Variants in ENOX1 observed in about 807,000 individuals in gnomAD.
ENOX1 encodes ecto-NOX disulfide-thiol exchanger 1.
In ENOX1, 42 loss-of-function variants were observed where a neutral mutation model predicts 82.5. The observed-to-expected ratio is 0.51, with a 90% CI of 0.40 to 0.66. The LOEUF is 0.66. Among genes scored for constraint, ENOX1 ranks in the 30% least tolerant of loss-of-function variants. ENOX1 has a pLI of 0.00. For missense variants in ENOX1, 608 were observed against 811.6 expected (o/e 0.75, Z 3.05); for synonymous variants, 271 against 282.2 (o/e 0.96, Z 0.40).
At chr13:43,764,708 T>C (rs1319512124) in intron 1 of ENOX1, among the ~76,000 whole-genome samples, 1 of 152,158 alleles carries the variant, frequency 6.6e-6, no homozygotes, top group African/African-American at 2.4e-5. Flanking sequence ...TTTCAAGCAA[T>C]AATATCAGCT....
At chr13:43,391,046 C>T (rs1418703095) in intron 5 of ENOX1, among the ~76,000 whole-genome samples, 2 of 152,076 alleles carry the variant, frequency 1.3e-5, no homozygotes, top group East Asian at 1.9e-4. Context: ...CAACCTTTAA[C>T]CCACTGACCT....
intron 11 of ENOX1, among the ~76,000 whole-genome samples, chr13:43,306,412 A>T (rs947192339): frequency 6.6e-6 from 1 of 152,178 alleles, no homozygotes; most frequent in Non-Finnish European, 1.5e-5. Flanking sequence ...TTATAGGGCC[A>T]TTTAAAAAAA....
intron 16 of ENOX1, among the ~76,000 whole-genome samples, chr13:43,222,939 A>G (rs1451299036): frequency 2.0e-5 from 3 of 152,018 alleles, no homozygotes; most frequent in Non-Finnish European, 4.4e-5. Context: ...AACTCCTTTC[A>G]CCCTGTTTTG....
chr13:43,262,543 T>C (rs1163542884), intron 14 of ENOX1, among the ~76,000 whole-genome samples: 1 of 152,236 alleles, frequency 6.6e-6, no homozygotes, highest in Non-Finnish European at 1.5e-5. Flanking sequence ...TTGTTATTTG[T>C]TGAGACAGGG....
intron 2 of ENOX1, among the ~76,000 whole-genome samples, chr13:43,641,540 T>TTTTC (rs2083652744): frequency 8.0e-6 from 1 of 124,534 alleles, no homozygotes; most frequent in East Asian, 2.3e-4. Context: ...TTTTTTTTTT[T>TTTTC]TTTTTTTTTT....
At chr13:43,233,858 T>C (rs1301941092) in intron 15 of ENOX1, among the ~76,000 whole-genome samples, 1 of 152,194 alleles carries the variant, frequency 6.6e-6, no homozygotes, top group Non-Finnish European at 1.5e-5. Flanking sequence ...AGCATGACTT[T>C]TGTGTCCTCT....
At chr13:43,713,423 C>A (rs1200034066) in intron 1 of ENOX1, among the ~76,000 whole-genome samples, 1 of 152,064 alleles carries the variant, frequency 6.6e-6, no homozygotes, top group Non-Finnish European at 1.5e-5. Context: ...TGATGCTGGC[C>A]TCATAAAATG....
chr13:43,293,178 C>T (rs2046099052), intron 12 of ENOX1, among the ~76,000 whole-genome samples: 1 of 152,020 alleles, frequency 6.6e-6, no homozygotes, highest in African/African-American at 2.4e-5. Context: ...AGGTTACCAC[C>T]CCCCTCACAG....
intron 3 of ENOX1, among the ~76,000 whole-genome samples, chr13:43,418,071 T>C (rs1198969334): frequency 6.6e-6 from 1 of 151,960 alleles, no homozygotes; most frequent in Non-Finnish European, 1.5e-5. Context: ...TAGCCAGCAA[T>C]GGTGGCGCAT....
chr13:43,707,731 C>CAAAAAAAAAA (rs1379285097), intron 1 of ENOX1, among the ~76,000 whole-genome samples: 1 of 49,240 alleles, frequency 2.0e-5, no homozygotes, highest in Non-Finnish European at 3.7e-5. Context: ...GACTCTGTCT[C>CAAAAAAAAAA]AAAAAAAAAA....
At chr13:43,606,521 T>C (rs2081981636) in intron 2 of ENOX1, among the ~76,000 whole-genome samples, 1 of 152,162 alleles carries the variant, frequency 6.6e-6, no homozygotes, top group African/African-American at 2.4e-5. Context: ...GAGGTCGTTA[T>C]ATTAGGTGAA....
At chr13:43,663,748 T>A (rs1247524164) in intron 2 of ENOX1, among the ~76,000 whole-genome samples, 2 of 152,024 alleles carry the variant, frequency 1.3e-5, no homozygotes, top group Non-Finnish European at 2.9e-5. Flanking sequence ...AGGTAAGAAA[T>A]GCTTGGAAAG....
intron 3 of ENOX1, among the ~76,000 whole-genome samples, chr13:43,457,663 C>T (rs2057293173): frequency 6.6e-6 from 1 of 152,146 alleles, no homozygotes; most frequent in South Asian, 2.1e-4. Flanking sequence ...GGAAAATCAT[C>T]TGGCTTTAAG....
rs1952646145 is a variant in ENOX1, at chr13:43,786,614, G to A, written c.-285+38C>T. 6.6e-6 allele frequency: 1 copy of A among 152,112 alleles called. No individual in the cohort carries two copies. The highest frequency in any genetic ancestry group is 6.5e-5 in the Admixed American group (1 of 15,282). The allele number at this position is 152,112 out of a possible 1,614,324, so 9.4% of individuals were successfully genotyped here. On this transcript the variant is annotated intron_variant, in intron 1 of 16. Coordinates refer to ENST00000690772, the MANE Select transcript of ENOX1 (RefSeq NM_001347969.2). The surrounding 1 kb of genome is among the most constrained non-coding windows in gnomAD (Gnocchi z 6.0). ...CCAGAGGACCCCGGCTCGGAGCCCG[G>A]ACGCCCCAGGGAGGCTGCGGGCCCC... is the stretch of plus-strand genomic sequence containing the variant.
At chr13:43,507,879 C>A (rs189764685) in intron 2 of ENOX1, among the ~76,000 whole-genome samples, 1 of 152,060 alleles carries the variant, frequency 6.6e-6, no homozygotes, top group East Asian at 1.9e-4. Flanking sequence ...CAAATACAAT[C>A]ATAGTATACA....
At chr13:43,718,063 C>G (rs919874788) in intron 1 of ENOX1, among the ~76,000 whole-genome samples, 1 of 152,122 alleles carries the variant, frequency 6.6e-6, no homozygotes, top group African/African-American at 2.4e-5. Context: ...TCCATTCTAT[C>G]AAAAAGACAC....
chr13:43,593,690 A>T (rs2153726841), intron 2 of ENOX1, among the ~76,000 whole-genome samples: 1 of 137,942 alleles, frequency 7.2e-6, no homozygotes, highest in Non-Finnish European at 1.6e-5. Flanking sequence ...ACACACACAC[A>T]CACACACACA....
chr13:43,645,403 G>A lies in ENOX1; in HGVS notation c.-219+22076C>T, dbSNP rs374932262. 1.6e-3 allele frequency among the ~76,000 whole-genome samples: 247 copies of A among 152,120 alleles called. 1 individual carries two copies. The highest frequency in any genetic ancestry group is 4.7e-3 in the African/African-American group (197 of 41,486). Reference sequence around the variant, plus strand: ...AGAATTCTTGGCCTCAACTGATCCTGCCACCAGAGCCTACCAAAGTGCTGG... The same window carrying A: ...AGAATTCTTGGCCTCAACTGATCCTACCACCAGAGCCTACCAAAGTGCTGG... On this transcript the variant is annotated intron_variant, in intron 2 of 16. Transcript: ENST00000690772.
chr13:43,496,533 C>T (rs1352856835), intron 2 of ENOX1, among the ~76,000 whole-genome samples: 1 of 151,888 alleles, frequency 6.6e-6, no homozygotes, highest in Non-Finnish European at 1.5e-5. Context: ...CTGATGTGCA[C>T]CACCATGCTC....
Sources: allele counts gnomAD v4.1 joint callset (sites outside exome capture counted in the v4.1 genomes callset), GRCh38; gene constraint gnomAD v4.1.1; non-coding constraint Gnocchi (gnomAD v3.1); transcripts MANE v1.5; gene names NCBI Gene and HGNC (gene_info 2026-07-23, HGNC 2026-07-21).